The following CCSER2 variants were observed in gnomAD, a reference collection of about 807,000 sequenced individuals.
The protein encoded by CCSER2 is coiled-coil serine rich protein 2, also known as serine-rich coiled-coil domain-containing protein 2.
In CCSER2, 46 loss-of-function variants were observed where a neutral mutation model predicts 92.3. The observed-to-expected ratio is 0.50, with a 90% CI of 0.39 to 0.64. CCSER2 has a LOEUF of 0.64. Among genes scored for constraint, CCSER2 ranks in the 30% least tolerant of loss-of-function variants. The probability of loss-of-function intolerance (pLI) is 0.00; values close to 1 mark genes in which losing one functional copy is unlikely to be tolerated. For missense variants in CCSER2, 1,244 were observed against 1,238.9 expected, an observed-to-expected ratio of 1.00 and a Z score of -0.06; for synonymous variants, 433 against 431.4, an observed-to-expected ratio of 1.00 and a Z score of -0.04.
chr10:84,378,912 A>G (rs1191944726), intron 3 of CCSER2, among the ~76,000 whole-genome samples: 1 of 152,096 alleles, frequency 6.6e-6, no homozygotes, highest in East Asian at 1.9e-4. Flanking sequence ...GTTCATGAGT[A>G]AGATTGTTCT....
At chr10:84,446,047 A>C (rs992249749) in intron 6 of CCSER2, among the ~76,000 whole-genome samples, 1 of 151,344 alleles carries the variant, frequency 6.6e-6, no homozygotes, top group African/African-American at 2.4e-5. Flanking sequence ...TAAAGTAGTT[A>C]TACCTACCCA....
intron 5 of CCSER2, among the ~76,000 whole-genome samples, chr10:84,426,791 A>G (rs928570726): frequency 2.0e-5 from 3 of 152,252 alleles, no homozygotes; most frequent in Non-Finnish European, 2.9e-5. Context: ...AAAGCAAAGA[A>G]TAAAATTTGA....
intron 7 of CCSER2, among the ~76,000 whole-genome samples, chr10:84,467,748 G>A (rs368036582): frequency 2.7e-4 from 41 of 152,000 alleles, no homozygotes; most frequent in African/African-American, 8.2e-4. Context: ...TTTTGTTGGC[G>A]CAGCTATTCA....
At position 84,514,531 on chromosome 10, in the gene CCSER2, A is replaced by T; in HGVS notation, c.*264A>T. On this transcript the variant is annotated 3_prime_UTR_variant, in exon 10 of 10. Transcript: ENST00000372088. ...GCCTGCCAAAGGCCCAAATCATGTTATCCATCCCTCTCCACGTCAGAAAAT... is the reference window on the plus strand; with the variant it reads ...GCCTGCCAAAGGCCCAAATCATGTTTTCCATCCCTCTCCACGTCAGAAAAT... 2.1e-6 allele frequency: 1 copy of T among 467,214 alleles called. No individual in the cohort carries two copies. The highest frequency in any genetic ancestry group is 3.8e-6 in the Non-Finnish European group (1 of 265,622). The allele number at this position is 467,214 out of a possible 1,614,324, so 28.9% of individuals were successfully genotyped here. A position where few individuals can be genotyped will look rare whatever the true frequency, so the allele number is the denominator to read the frequency against.
chr10:84,424,077 A>G (rs1432668876), intron 4 of CCSER2, among the ~76,000 whole-genome samples: 1 of 151,744 alleles, frequency 6.6e-6, no homozygotes, highest in Non-Finnish European at 1.5e-5. Context: ...ACTTGAGCTA[A>G]GGGGTTTGGG....
intron 9 of CCSER2, among the ~76,000 whole-genome samples, chr10:84,502,038 G>C (rs2131845330): frequency 6.7e-6 from 1 of 149,242 alleles, no homozygotes; most frequent in African/African-American, 2.4e-5. Flanking sequence ...GGTTCCTTTA[G>C]AGGGGAAATA....
chr10:84,513,024 C>CTT (rs35483621), intron 9 of CCSER2, among the ~76,000 whole-genome samples: 1 of 149,584 alleles, frequency 6.7e-6, no homozygotes, highest in Non-Finnish European at 1.5e-5. Context: ...TGGTGTACAA[C>CTT]TTTTTTTTTT....
intron 9 of CCSER2, among the ~76,000 whole-genome samples, chr10:84,487,385 G>A (rs757357726): frequency 3.9e-5 from 6 of 152,282 alleles, no homozygotes; most frequent in South Asian, 2.1e-4. Context: ...AGCGTGGAAC[G>A]TTCTTCCATT....
At chr10:84,491,872 A>G (rs1007035458) in intron 9 of CCSER2, among the ~76,000 whole-genome samples, 48 of 152,232 alleles carry the variant, frequency 3.2e-4, no homozygotes, top group African/African-American at 1.1e-3. Context: ...CTATTCGGCC[A>G]TCTTCTTTGG....
chr10:84,451,262 T>TTG (rs1389618685), intron 6 of CCSER2, among the ~76,000 whole-genome samples: 40 of 149,804 alleles, frequency 2.7e-4, no homozygotes, highest in Admixed American at 6.0e-4. Flanking sequence ...GGGTTTTTTT[T>TTG]TTTTGTTTTT....
chr10:84,507,219 G>A, intron 9 of CCSER2: 11 of 608,850 alleles, frequency 1.8e-5, no homozygotes, highest in Non-Finnish European at 2.3e-5. Flanking sequence ...GGCAATCCTT[G>A]GTGTTGTGTG....
chr10:84,379,086 A>G (rs1344946284), intron 3 of CCSER2, among the ~76,000 whole-genome samples: 1 of 152,236 alleles, frequency 6.6e-6, no homozygotes, highest in Non-Finnish European at 1.5e-5. Flanking sequence ...AGAATTTGCC[A>G]GAATTCAGCC....
At chr10:84,463,699 T>C (rs189571984) in intron 6 of CCSER2, among the ~76,000 whole-genome samples, 117 of 152,346 alleles carry the variant, frequency 7.7e-4, no homozygotes, top group African/African-American at 2.7e-3. Context: ...GTATCCGTTA[T>C]TTACTTCCAC....
intron 3 of CCSER2, chr10:84,393,935 A>T (rs1036594432): frequency 2.1e-4 from 32 of 152,326 alleles, no homozygotes; most frequent in African/African-American, 7.0e-4. Flanking sequence ...TGATATTGAT[A>T]CTTTCAGGTA....
At chr10:84,389,910 T>C (rs901009641) in intron 3 of CCSER2, among the ~76,000 whole-genome samples, 21 of 152,164 alleles carry the variant, frequency 1.4e-4, no homozygotes, top group African/African-American at 4.8e-4. Flanking sequence ...TCTTTCATTT[T>C]TTTCTGCCCT....
At chr10:84,383,894 C>T (rs1349531697) in intron 3 of CCSER2, among the ~76,000 whole-genome samples, 1 of 151,988 alleles carries the variant, frequency 6.6e-6, no homozygotes, top group South Asian at 2.1e-4. Flanking sequence ...AGGCTGCCAG[C>T]TAGATTAGCC....
intron 6 of CCSER2, chr10:84,455,483 C>G (rs147510336): frequency 6.9e-6 from 2 of 291,648 alleles, no homozygotes; most frequent in Non-Finnish European, 1.3e-5. Flanking sequence ...GCCATGTTGG[C>G]CAGGCTGGTC....
At chr10:84,430,394 T>A (rs894809663) in intron 5 of CCSER2, among the ~76,000 whole-genome samples, 1 of 152,202 alleles carries the variant, frequency 6.6e-6, no homozygotes, top group South Asian at 2.1e-4. Flanking sequence ...GTTTTCCTTT[T>A]ATGATTTTTG....
At chr10:84,415,040 G>C (rs192740653) in intron 3 of CCSER2, among the ~76,000 whole-genome samples, 1 of 152,204 alleles carries the variant, frequency 6.6e-6, no homozygotes, top group East Asian at 1.9e-4. Flanking sequence ...TTGACTATCA[G>C]CTCCTGTGTT....
Sources: allele counts gnomAD v4.1 joint callset (sites outside exome capture counted in the v4.1 genomes callset), GRCh38; gene constraint gnomAD v4.1.1; transcripts MANE v1.5; gene names NCBI Gene and HGNC (gene_info 2026-07-23, HGNC 2026-07-21).